Variants in ESF1 observed in about 807,000 individuals in gnomAD.
The protein encoded by ESF1 is ESF1 nucleolar pre-rRNA processing protein.
ESF1 carries 58 observed loss-of-function variants against 92.0 expected under a neutral mutation model. That is an observed-to-expected ratio of 0.63 (90% CI 0.51 to 0.78). ESF1 has a LOEUF of 0.78. Ranked by LOEUF, ESF1 falls within the 30% of genes least tolerant of loss-of-function variation. The pLI is 0.00. For missense variants in ESF1, 922 were observed against 989.1 expected, an observed-to-expected ratio of 0.93 and a Z score of 0.91; for synonymous variants, 321 against 313.7, an observed-to-expected ratio of 1.02 and a Z score of -0.24.
At position 13,718,913 on chromosome 20, in the gene ESF1, GTCTT is replaced by G. The variant is rs747441815; in HGVS notation, c.2106_2109del (p.Glu702AspfsTer10). 1.3e-6 allele frequency: 2 copies of G among 1,599,520 alleles called. No individual in the cohort carries two copies. The highest frequency in any genetic ancestry group is 1.3e-5 in the African/African-American group (1 of 74,472). On this transcript the variant is annotated frameshift_variant, in exon 12 of 14. Transcript: ENST00000617257. LOFTEE classifies it high-confidence loss of function. ...TAACAATAATCGTATTTTACCTTTT[GTCTT>G]TCTATTTCAATTTCTTCTTCTGGAG...
intron 9 of ESF1, among the ~76,000 whole-genome samples, chr20:13,749,534 G>A (rs1299788600): frequency 1.3e-5 from 2 of 151,804 alleles, no homozygotes; most frequent in Admixed American, 6.6e-5. Flanking sequence ...CCACATCACT[G>A]AATGGGTAGA....
At chr20:13,768,671 C>T (rs1162754364) in intron 7 of ESF1, among the ~76,000 whole-genome samples, 9 of 151,072 alleles carry the variant, frequency 6.0e-5, no homozygotes, top group Non-Finnish European at 1.2e-4. Flanking sequence ...CAGAGGGGGG[C>T]GGATCATCTG....
intron 10 of ESF1, among the ~76,000 whole-genome samples, chr20:13,732,948 A>C (rs552338247): frequency 6.8e-6 from 1 of 147,924 alleles, no homozygotes; most frequent in Non-Finnish European, 1.5e-5. Context: ...ATTTATTGAG[A>C]CAGAGTCTTG....
At chr20:13,740,912 C>T (rs2050009104) in intron 9 of ESF1, among the ~76,000 whole-genome samples, 1 of 152,218 alleles carries the variant, frequency 6.6e-6, no homozygotes, top group East Asian at 1.9e-4. Context: ...ATTGCCCCTT[C>T]CCAGAAAGAG....
At chr20:13,721,864 A>C (rs1276286315) in intron 11 of ESF1, among the ~76,000 whole-genome samples, 1 of 152,184 alleles carries the variant, frequency 6.6e-6, no homozygotes, top group African/African-American at 2.4e-5. Flanking sequence ...AATTTTTTTC[A>C]GGGAATAATA....
At chr20:13,741,185 A>G (rs1344091268) in intron 9 of ESF1, among the ~76,000 whole-genome samples, 2 of 152,154 alleles carry the variant, frequency 1.3e-5, no homozygotes. Flanking sequence ...CCAACTCTCT[A>G]TCACTAAATT....
Position 13,714,944 on chromosome 20 carries a change from G to T in ESF1, c.2486C>A (p.Ser829Ter). 6.2e-7 allele frequency: 1 copy of T among 1,613,670 alleles called. No homozygotes were observed. The highest frequency in any genetic ancestry group is 1.1e-5 in the South Asian group (1 of 91,012). The stretch of plus-strand genomic sequence containing the variant: ...GGTTTTTATAGATTTAATCAACATT[G>T]ACAAAGCAGGATCAATGGACTTCCT... ...SQRKSIDPAL[S>*]MLIKSIKTKT... Residue 829 changes from serine (S) to a stop codon, truncating the protein, a stop_gained, in exon 14 of 14, where the codon TCA becomes TAA. Transcript: ENST00000617257. LOFTEE classifies it high-confidence loss of function.
chr20:13,767,485 T>C (rs1379155087), intron 7 of ESF1, among the ~76,000 whole-genome samples: 1 of 150,032 alleles, frequency 6.7e-6, no homozygotes, highest in Non-Finnish European at 1.5e-5. Flanking sequence ...GCTGAGATCA[T>C]GCCATTGCAC....
chr20:13,780,986 T>A (rs1008652653), intron 2 of ESF1, among the ~76,000 whole-genome samples: 9 of 152,178 alleles, frequency 5.9e-5, no homozygotes, highest in African/African-American at 2.2e-4. Flanking sequence ...CTCAAAAAGT[T>A]CTTTCCATGT....
chr20:13,746,165 A>G (rs1405818536), intron 9 of ESF1, among the ~76,000 whole-genome samples: 1 of 152,186 alleles, frequency 6.6e-6, no homozygotes, highest in South Asian at 2.1e-4. Context: ...GGGTTTCACC[A>G]TATTGGCCAG....
Position 13,782,775 on chromosome 20 carries a change from G to C in ESF1, c.366C>G (p.His122Gln), listed in dbSNP as rs1980264096. Residue 122 changes from histidine to glutamine, a missense_variant, in exon 2 of 14, where the codon CAC (histidine) becomes CAG (glutamine). Physicochemically the swap from His to Gln is conservative, Grantham distance 24. Transcript: ENST00000617257. ...EKKKETKKAN[H>Q]KGSENKTDLD... ...AATCAGTTTTATTTTCAGAACCCTTGTGATTAGCCTTCTTGGTTTCTTTCT... is the reference window on the plus strand; with the variant it reads ...AATCAGTTTTATTTTCAGAACCCTTCTGATTAGCCTTCTTGGTTTCTTTCT... 6.2e-7 allele frequency: 1 copy of C among 1,602,736 alleles called. No individual in the cohort carries two copies. The highest frequency in any genetic ancestry group is 8.5e-7 in the Non-Finnish European group (1 of 1,177,406).
chr20:13,726,965 A>C (rs1002446747), intron 11 of ESF1, among the ~76,000 whole-genome samples: 1 of 152,212 alleles, frequency 6.6e-6, no homozygotes, highest in Non-Finnish European at 1.5e-5. Context: ...TAAGCAAGCA[A>C]ATTTTATCTA....
chr20:13,759,063 CCT>C (rs1265322534), intron 9 of ESF1, among the ~76,000 whole-genome samples: 1 of 152,202 alleles, frequency 6.6e-6, no homozygotes, highest in Non-Finnish European at 1.5e-5. Context: ...AATCTCTCTT[CCT>C]CTTTCTCTTT....
intron 10 of ESF1, among the ~76,000 whole-genome samples, chr20:13,729,214 C>CGCAACT (rs1428248391): frequency 1.3e-4 from 20 of 152,066 alleles, no homozygotes; most frequent in African/African-American, 4.8e-4. Context: ...GCCAAGATGG[C>CGCAACT]GCAACTGCAC....
At chr20:13,730,533 G>A (rs1464130757) in intron 10 of ESF1, among the ~76,000 whole-genome samples, 2 of 151,596 alleles carry the variant, frequency 1.3e-5, no homozygotes, top group Non-Finnish European at 1.5e-5. Context: ...ACAGGTGCCC[G>A]CCACCACGCC....
At position 13,772,601 on chromosome 20, in the gene ESF1, T is replaced by C. The variant is rs1270371999; in HGVS notation, c.1164A>G (p.Glu388=). 3 of 1,610,458 alleles carry C rather than the reference T, an allele frequency of 1.9e-6. No homozygotes were observed. The South Asian group carries it at 3.3e-5, about 18-fold the overall frequency. The change falls in exon 5 of 14, where the codon GAA becomes GAG. Residue 388 remains glutamate, a synonymous_variant. Coordinates refer to ENST00000617257, the MANE Select transcript of ESF1 (RefSeq NM_001276380.2). ...CTTCCTTCATCCTCTCCTTTCCAAA[T>C]TCTGAAGGATATATCTAAACAGAAA... ...VIFSVKIYPS[E]FGKERMKEEQ... is the part of the protein sequence containing the mutation.
In ESF1 at chr20:13,772,538, A is replaced by G. The variant is rs1023406289; in HGVS notation, c.1227T>C (p.Pro409=). ...VQGPVELLSI[P]EDAPEKDWTS... The stretch of plus-strand genomic sequence containing the variant: ...ACCAGTCTTTTTCTGGGGCATCTTC[A>G]GGAATACTTAATAGCTCTACTGGTC... Residue 409 remains proline (P), a synonymous_variant, in exon 5 of 14, where the codon CCT becomes CCC. Transcript: ENST00000617257. The G allele has an allele frequency of 3.7e-6, 6 of 1,612,178 alleles. No homozygotes were observed. The highest frequency in any genetic ancestry group is 4.2e-6 in the Non-Finnish European group (5 of 1,178,932).
chr20:13,722,328 TG>T (rs2147720090), intron 11 of ESF1, among the ~76,000 whole-genome samples: 2 of 152,354 alleles, frequency 1.3e-5, no homozygotes, highest in East Asian at 3.8e-4. Flanking sequence ...GAATTTACTA[TG>T]ATGTTAGACT....
chr20:13,780,970 T>A (rs886074068), intron 2 of ESF1, among the ~76,000 whole-genome samples: 1 of 152,194 alleles, frequency 6.6e-6, no homozygotes, highest in African/African-American at 2.4e-5. Context: ...CCCAATCACA[T>A]CTTTGCTCAA....
Sources: allele counts gnomAD v4.1 joint callset (sites outside exome capture counted in the v4.1 genomes callset), GRCh38; gene constraint gnomAD v4.1.1; transcripts MANE v1.5; gene names NCBI Gene and HGNC (gene_info 2026-07-23, HGNC 2026-07-21).